ARHGAP25: variants seen among roughly 807,000 people sequenced by gnomAD.
The protein encoded by ARHGAP25 is rho GTPase-activating protein 25.
Under a neutral mutation model 71.0 loss-of-function variants are expected in ARHGAP25, and 34 were observed. The ratio of observed to expected loss-of-function variants is 0.48; its 90% CI spans 0.36 to 0.64. ARHGAP25 has a LOEUF of 0.64. ARHGAP25 is among the 30% of genes least tolerant of loss of function. The probability of loss-of-function intolerance (pLI) is 0.00; values close to 1 mark genes in which losing one functional copy is unlikely to be tolerated. For synonymous variants in ARHGAP25, 282 were observed against 296.5 expected, an observed-to-expected ratio of 0.95 and a Z score of 0.50; for missense variants, 706 against 805.1, an observed-to-expected ratio of 0.88 and a Z score of 1.49.
chr2:68,759,313 C>T (rs772757483), intron 1 of ARHGAP25, among the ~76,000 whole-genome samples: 6 of 148,702 alleles, frequency 4.0e-5, no homozygotes, highest in Non-Finnish European at 7.5e-5. Context: ...TCAAAAAGGT[C>T]GACAAAATTT....
chr2:68,823,075 A>C (rs907363568), intron 10 of ARHGAP25, among the ~76,000 whole-genome samples: 52 of 152,402 alleles, frequency 3.4e-4, no homozygotes, highest in African/African-American at 1.1e-3. Flanking sequence ...AACTAGATTT[A>C]GGAAATGTAA....
chr2:68,821,953 T>G (rs1217874039), intron 9 of ARHGAP25, among the ~76,000 whole-genome samples: 1 of 151,294 alleles, frequency 6.6e-6, no homozygotes, highest in Non-Finnish European at 1.5e-5. Flanking sequence ...TGATTTGTTC[T>G]TTTGTTTTTA....
intron 4 of ARHGAP25, among the ~76,000 whole-genome samples, chr2:68,792,769 C>T (rs1241078086): frequency 1.3e-5 from 2 of 152,060 alleles, no homozygotes; most frequent in African/African-American, 2.4e-5. Flanking sequence ...ATAATGATTT[C>T]CTTTCCTTTT....
chr2:68,775,181 A>G (rs760761897), intron 1 of ARHGAP25, 40 bp from the exon 2 acceptor site: 17 of 1,613,898 alleles, frequency 1.1e-5, no homozygotes, highest in Non-Finnish European at 1.2e-5. Flanking sequence ...TCACTGCCCC[A>G]TGTCCCTCGG....
At chr2:68,798,427 TCAA>T (rs1679729574) in intron 4 of ARHGAP25, among the ~76,000 whole-genome samples, 1 of 151,982 alleles carries the variant, frequency 6.6e-6, no homozygotes, top group South Asian at 2.1e-4. Flanking sequence ...ATTCATTTGG[TCAA>T]CAACTCTTTC....
intron 9 of ARHGAP25, 59 bp downstream of exon 9, chr2:68,819,378 C>T (rs1449684160): frequency 1.9e-6 from 3 of 1,566,816 alleles, no homozygotes; most frequent in Non-Finnish European, 2.6e-6. Flanking sequence ...CAGGCCATCC[C>T]ATGTAAGGCC....
At chr2:68,818,207 A>G (rs1035703045) in intron 8 of ARHGAP25, among the ~76,000 whole-genome samples, 9 of 152,236 alleles carry the variant, frequency 5.9e-5, no homozygotes, top group Admixed American at 5.2e-4. Context: ...GGTTTGCCCA[A>G]TGGTCCCACA....
chr2:68,745,470 A>G (rs1188855069), intron 1 of ARHGAP25, among the ~76,000 whole-genome samples: 1 of 152,216 alleles, frequency 6.6e-6, no homozygotes, highest in African/African-American at 2.4e-5. Flanking sequence ...CATAACTAGC[A>G]TTAAATCTAC....
intron 9 of ARHGAP25, chr2:68,819,611 A>T (rs995489058): frequency 1.7e-6 from 1 of 592,286 alleles, no homozygotes; most frequent in African/African-American, 1.9e-5. Flanking sequence ...AATACAGTCC[A>T]GAGAAGTTCA....
At chr2:68,731,870 C>A (rs960838744), upstream of ARHGAP25, among the ~76,000 whole-genome samples, 3 of 152,084 alleles carry the variant, frequency 2.0e-5, no homozygotes, top group Non-Finnish European at 4.4e-5. Context: ...TGTATTTAAT[C>A]GTTCACTTAA....
chr2:68,730,197 G>A (rs10174331), upstream of ARHGAP25, among the ~76,000 whole-genome samples: 58,351 of 152,072 alleles, frequency 0.38, 14,407 homozygotes, highest in African/African-American at 0.7. Flanking sequence ...ATGAGTAGAA[G>A]GTGAGGGAGA....
chr2:68,724,667 A>T (rs1488281952), intron 2 of ARHGAP25, among the ~76,000 whole-genome samples: 1 of 152,236 alleles, frequency 6.6e-6, no homozygotes, highest in Non-Finnish European at 1.5e-5. Context: ...GGGTGGCAGT[A>T]GGATCTCCAT....
Position 68,822,777 on chromosome 2 carries a change from T to G in ARHGAP25, c.1638T>G (p.Ser546=). The G allele has an allele frequency of 1.2e-6, 2 of 1,614,160 alleles. No homozygotes were observed. Among genetic ancestry groups the G allele is most frequent in the Non-Finnish European group, 1.7e-6 (2 of 1,180,026 alleles). The stretch of plus-strand genomic sequence containing the variant: ...AAACTGGGCCTGGAAAAAAGAACTC[T>G]GGAGAAGAGGAAATTGATTCTTTGC... ...NSETGPGKKN[S]GEEEIDSLQR... The change falls in exon 10 of 11, where the codon TCT becomes TCG. Residue 546 remains serine (S), a synonymous_variant. Transcript: ENST00000409202.
chr2:68,784,104 A>T (rs576031256), intron 3 of ARHGAP25, among the ~76,000 whole-genome samples: 3 of 152,126 alleles, frequency 2.0e-5, no homozygotes, highest in Non-Finnish European at 4.4e-5. Context: ...TGTTTGCAGC[A>T]GTCTCCTGGC....
chr2:68,803,176 G>A (rs962460255), intron 4 of ARHGAP25, among the ~76,000 whole-genome samples: 1 of 152,172 alleles, frequency 6.6e-6, no homozygotes, highest in Non-Finnish European at 1.5e-5. Flanking sequence ...CACCAAACGA[G>A]CAGGTGGAAG....
At chr2:68,825,428 G>A (rs1338171133) in intron 10 of ARHGAP25, among the ~76,000 whole-genome samples, 3 of 152,006 alleles carry the variant, frequency 2.0e-5, no homozygotes, top group Non-Finnish European at 4.4e-5. Context: ...AACATTAAAC[G>A]ACATGAGAAA....
intron 1 of ARHGAP25, among the ~76,000 whole-genome samples, chr2:68,751,076 G>T (rs1460090329): frequency 6.6e-6 from 1 of 152,164 alleles, no homozygotes; most frequent in Non-Finnish European, 1.5e-5. Flanking sequence ...GAATAACATT[G>T]CAGACTCCAA....
chr2:68,824,736 C>T (rs930545211), intron 10 of ARHGAP25, among the ~76,000 whole-genome samples: 29 of 150,438 alleles, frequency 1.9e-4, no homozygotes, highest in Admixed American at 5.9e-4. Context: ...AGCGAGACTC[C>T]GTCTCAAAAA....
intron 1 of ARHGAP25, among the ~76,000 whole-genome samples, chr2:68,766,802 C>T (rs1426137964): frequency 6.6e-6 from 1 of 152,142 alleles, no homozygotes; most frequent in African/African-American, 2.4e-5. Context: ...CTCTCCCTCT[C>T]TCTTTTTCTC....
Sources: gnomAD v4.1 joint callset for allele counts (sites outside exome capture counted in the v4.1 genomes callset) on GRCh38, gnomAD v4.1.1 for gene constraint, MANE v1.5 for transcripts, NCBI Gene and HGNC (gene_info 2026-07-23, HGNC 2026-07-21) for gene names.